The following LRMDA variants were observed in gnomAD, a reference collection of about 807,000 sequenced individuals.
LRMDA encodes leucine-rich melanocyte differentiation-associated protein.
A neutral mutation model predicts 29.8 loss-of-function variants in LRMDA; 18 were observed. That is an observed-to-expected ratio of 0.60 (90% CI 0.42 to 0.90). The LOEUF (loss-of-function observed/expected upper bound fraction) is 0.90. Among genes scored for constraint, LRMDA ranks in the 40% least tolerant of loss-of-function variants. The pLI is 0.00. For missense variants in LRMDA, 273 were observed against 273.9 expected, an observed-to-expected ratio of 1.00 and a Z score of 0.02; for synonymous variants, 125 against 109.4, an observed-to-expected ratio of 1.14 and a Z score of -0.89.
chr10:75,462,637 T>C (rs1844600831), intron 2 of LRMDA, among the ~76,000 whole-genome samples: 1 of 152,254 alleles, frequency 6.6e-6, no homozygotes, highest in Admixed American at 6.5e-5. Context: ...ATCACACCTA[T>C]TTAAAAATAA....
intron 6 of LRMDA, among the ~76,000 whole-genome samples, chr10:76,457,677 G>A (rs1305086659): frequency 1.4e-4 from 22 of 152,092 alleles, no homozygotes; most frequent in Admixed American, 1.3e-3. Flanking sequence ...CCATAAGTTC[G>A]ACATTAATGA....
At chr10:75,527,820 C>G (rs1009923875) in intron 2 of LRMDA, among the ~76,000 whole-genome samples, 1 of 150,096 alleles carries the variant, frequency 6.7e-6, no homozygotes, top group Non-Finnish European at 1.5e-5. Flanking sequence ...TGCAGTGGCA[C>G]AATTTTGGCT....
chr10:75,950,492 AC>A (rs1846555045), intron 2 of LRMDA, among the ~76,000 whole-genome samples: 1 of 152,058 alleles, frequency 6.6e-6, no homozygotes, highest in Non-Finnish European at 1.5e-5. Flanking sequence ...TCCAGACTGC[AC>A]CCTGTTTGAG....
intron 2 of LRMDA, among the ~76,000 whole-genome samples, chr10:75,540,672 C>G (rs1162722375): frequency 1.3e-5 from 2 of 152,182 alleles, no homozygotes; most frequent in African/African-American, 4.8e-5. Context: ...TAAATGTGTT[C>G]TCATATACTT....
At chr10:75,584,863 C>T (rs1840638784) in intron 2 of LRMDA, among the ~76,000 whole-genome samples, 1 of 152,166 alleles carries the variant, frequency 6.6e-6, no homozygotes, top group Admixed American at 6.5e-5. Context: ...TTGGACATGT[C>T]AGGAGCTAAT....
At chr10:76,396,415 T>G (rs1412875077) in intron 6 of LRMDA, 1 of 152,204 alleles carries the variant, frequency 6.6e-6, no homozygotes, top group African/African-American at 2.4e-5. Context: ...GACGATGCGA[T>G]TCTTTCAGCT....
At chr10:75,996,914 A>G (rs1847476621) in intron 2 of LRMDA, among the ~76,000 whole-genome samples, 1 of 151,792 alleles carries the variant, frequency 6.6e-6, no homozygotes, top group Non-Finnish European at 1.5e-5. Context: ...TTGTACTTTT[A>G]GTAGAGACGG....
At chr10:75,552,117 A>G (rs977695953) in intron 2 of LRMDA, among the ~76,000 whole-genome samples, 4 of 152,150 alleles carry the variant, frequency 2.6e-5, no homozygotes, top group Admixed American at 2.0e-4. Flanking sequence ...CCACATTTTA[A>G]TCATTTCTAG....
At chr10:76,224,731 A>G (rs1011563260) in intron 5 of LRMDA, among the ~76,000 whole-genome samples, 2 of 114,626 alleles carry the variant, frequency 1.7e-5, no homozygotes, top group African/African-American at 6.8e-5. Flanking sequence ...ACTTCATTGT[A>G]TCTAGGTTGT....
Position 76,244,573 on chromosome 10 carries a change from T to G in LRMDA, c.517-79828T>G, listed in dbSNP as rs140508801. 1.0e-3 allele frequency among the ~76,000 whole-genome samples: 158 copies of G among 152,230 alleles called. 1 individual carries two copies. Among genetic ancestry groups the G allele is most frequent in the Middle Eastern group, 0.01 (3 of 294 alleles). On this transcript the variant is annotated intron_variant, in intron 5 of 6. Coordinates refer to ENST00000611255, the MANE Select transcript of LRMDA (RefSeq NM_001305581.2). ...ATAGAGAAGCAGCTGAAGTCCACAT[T>G]GTAGCTGCAGTGTGGCTGGCCAGCT... is the stretch of plus-strand genomic sequence containing the variant.
At chr10:76,330,708 G>T (rs1468609544) in intron 6 of LRMDA, among the ~76,000 whole-genome samples, 1 of 152,174 alleles carries the variant, frequency 6.6e-6, no homozygotes, top group Non-Finnish European at 1.5e-5. Context: ...GCACGTCAAG[G>T]TGCCACAATT....
intron 5 of LRMDA, among the ~76,000 whole-genome samples, chr10:76,216,190 AAAAAAT>A (rs1012354596): frequency 5.3e-5 from 8 of 152,128 alleles, no homozygotes; most frequent in African/African-American, 1.9e-4. Context: ...CCATCTGTAC[AAAAAAT>A]AAAAATAAAA....
chr10:75,956,540 C>G (rs1012308316), intron 2 of LRMDA, among the ~76,000 whole-genome samples: 3 of 152,156 alleles, frequency 2.0e-5, no homozygotes, highest in Non-Finnish European at 4.4e-5. Flanking sequence ...CCCCTTTATT[C>G]TACCACCATC....
intron 6 of LRMDA, among the ~76,000 whole-genome samples, chr10:76,363,218 A>AGG (rs1841345152): frequency 8.0e-5 from 1 of 12,438 alleles, no homozygotes; most frequent in African/African-American, 2.6e-4. Flanking sequence ...GGGAAGGAAG[A>AGG]GAAAGAAAGA....
chr10:76,353,845 A>AG (rs1298586650), intron 6 of LRMDA, among the ~76,000 whole-genome samples: 4 of 152,114 alleles, frequency 2.6e-5, no homozygotes, highest in Admixed American at 1.3e-4. Context: ...CTTTGTAATA[A>AG]GGGGGGACAT....
intron 2 of LRMDA, among the ~76,000 whole-genome samples, chr10:75,949,391 C>T (rs993159671): frequency 6.6e-6 from 1 of 152,210 alleles, no homozygotes; most frequent in Non-Finnish European, 1.5e-5. Flanking sequence ...GAGGGCTTCT[C>T]AGTAAAAGTC....
intron 2 of LRMDA, among the ~76,000 whole-genome samples, chr10:75,622,519 C>G (rs777432589): frequency 2.6e-5 from 4 of 152,152 alleles, no homozygotes; most frequent in African/African-American, 9.7e-5. Flanking sequence ...GCAGTCACTA[C>G]CAAGTAGCTC....
chr10:76,362,393 A>G (rs368048620), intron 6 of LRMDA, among the ~76,000 whole-genome samples: 36 of 152,326 alleles, frequency 2.4e-4, no homozygotes, highest in African/African-American at 7.2e-4. Context: ...CAGTTCCTTC[A>G]CTTATAAAAT....
At chr10:75,742,519 G>GAA (rs1210013794) in intron 2 of LRMDA, among the ~76,000 whole-genome samples, 6 of 152,190 alleles carry the variant, frequency 3.9e-5, no homozygotes, top group Non-Finnish European at 5.9e-5. Context: ...GGCACACTAT[G>GAA]AAAAATACAT....
Sources: allele counts gnomAD v4.1 joint callset (sites outside exome capture counted in the v4.1 genomes callset), GRCh38; gene constraint gnomAD v4.1.1; transcripts MANE v1.5; gene names NCBI Gene and HGNC (gene_info 2026-07-23, HGNC 2026-07-21).